Variants in ETV4 observed in about 807,000 individuals in gnomAD.
ETV4 encodes the protein ETS variant transcription factor 4.
A neutral mutation model predicts 65.9 loss-of-function variants in ETV4; 42 were observed. The observed-to-expected ratio is 0.64, with a 90% CI of 0.50 to 0.82. ETV4 has a LOEUF of 0.82. ETV4 is among the 40% of genes least tolerant of loss of function. ETV4 has a pLI of 0.00. For synonymous variants in ETV4, 238 were observed against 260.0 expected, an observed-to-expected ratio of 0.92 and a Z score of 0.81; for missense variants, 583 against 630.3, an observed-to-expected ratio of 0.92 and a Z score of 0.80.
At chr17:43,543,095 C>G (rs1004394578) in intron 4 of ETV4, among the ~76,000 whole-genome samples, 2 of 152,082 alleles carry the variant, frequency 1.3e-5, no homozygotes, top group African/African-American at 4.8e-5. Context: ...CAGCATCCCC[C>G]CCTCAGACCT....
At position 43,533,218 on chromosome 17, in the gene ETV4, G is replaced by A; in HGVS notation, c.514C>T (p.His172Tyr). 6.2e-7 allele frequency: 1 copy of A among 1,614,034 alleles called. No homozygotes were observed. The highest frequency in any genetic ancestry group is 1.3e-5 in the African/African-American group (1 of 75,014). The change falls in exon 7 of 13, where the codon CAC (histidine) becomes TAC (tyrosine). Residue 172 changes from histidine (H) to tyrosine (Y), a missense_variant. Physicochemically the swap from His to Tyr is moderately conservative, Grantham distance 83. Transcript: ENST00000319349. Reference protein sequence around the residue: ...FLRSSGTSQPHPGHGYLGEHS... With the variant: ...FLRSSGTSQPYPGHGYLGEHS... ...TCCCCGAGGTACCCATGGCCAGGGT[G>A]GGGCTGGGAGGTGCCAGAGGATCTC...
At chr17:43,541,175 T>TC (rs1293523095) in intron 4 of ETV4, among the ~76,000 whole-genome samples, 2 of 151,772 alleles carry the variant, frequency 1.3e-5, no homozygotes, top group Non-Finnish European at 2.9e-5. Context: ...GCTCAGCCCC[T>TC]CCCCCAAACA....
chr17:43,536,638 A>G (rs937151903), intron 4 of ETV4, 159 bp from the exon 5 acceptor site: 22 of 621,640 alleles, frequency 3.5e-5, no homozygotes, highest in Non-Finnish European at 5.7e-5. Context: ...GGCCACACAT[A>G]AAATACACAA....
chr17:43,543,607 C>T (rs996317204), intron 4 of ETV4, among the ~76,000 whole-genome samples: 9 of 152,154 alleles, frequency 5.9e-5, no homozygotes, highest in Admixed American at 5.2e-4. Flanking sequence ...GAAACTGACA[C>T]CTCTGCATTC....
At chr17:43,531,686 G>A (rs1163504369) in intron 8 of ETV4, among the ~76,000 whole-genome samples, 6 of 152,114 alleles carry the variant, frequency 3.9e-5, no homozygotes, top group African/African-American at 1.4e-4. Context: ...AACAAACAGA[G>A]CAAGACTCTG....
intron 4 of ETV4, among the ~76,000 whole-genome samples, chr17:43,537,785 G>A (rs897915370): frequency 5.3e-5 from 8 of 152,036 alleles, no homozygotes; most frequent in East Asian, 1.9e-4. Flanking sequence ...ACGAGGTCAG[G>A]AGTTTGAGAC....
At chr17:43,541,026 C>A (rs1971494553) in intron 4 of ETV4, among the ~76,000 whole-genome samples, 1 of 152,154 alleles carries the variant, frequency 6.6e-6, no homozygotes, top group African/African-American at 2.4e-5. Context: ...TCTTGCCTTT[C>A]TTCCTGCCTC....
At position 43,529,134 on chromosome 17, in the gene ETV4, C is replaced by A. The variant is rs1480056926; in HGVS notation, c.1230+1G>T. ...CTTGTCCCTAGACCCACAGCCCCCACCTTCTGCATGATGCCTTTCTCATAA... is the reference window on the plus strand; with the variant it reads ...CTTGTCCCTAGACCCACAGCCCCCAACTTCTGCATGATGCCTTTCTCATAA... On this transcript the variant is annotated splice_donor_variant, in intron 12 of 12. Transcript: ENST00000319349. LOFTEE classifies it high-confidence loss of function. 6.2e-7 allele frequency: 1 copy of A among 1,613,928 alleles called. No homozygotes were observed. The highest frequency in any genetic ancestry group is 1.7e-5 in the Admixed American group (1 of 60,004).
chr17:43,536,332 G>A (rs1182789875), intron 5 of ETV4, 94 bp downstream of exon 5: 2 of 1,135,170 alleles, frequency 1.8e-6, no homozygotes, highest in Non-Finnish European at 2.6e-6. Flanking sequence ...TGTTTTAGGA[G>A]AGAACAAGCT....
At chr17:43,529,057 C>T in intron 12 of ETV4, 78 bp downstream of exon 12, 1 of 1,344,828 alleles carries the variant, frequency 7.4e-7, no homozygotes, top group Non-Finnish European at 1.1e-6. Context: ...CTGAGAACTG[C>T]CCTGCTGACC....
intron 4 of ETV4, 135 bp from the exon 5 acceptor site, chr17:43,536,614 T>A (rs1455599454): frequency 2.9e-6 from 2 of 692,228 alleles, no homozygotes; most frequent in African/African-American, 1.8e-5. Flanking sequence ...GTCCACATTG[T>A]AAGAATTGTC....
rs934932302 is a variant in ETV4 at position 43,528,309 on chromosome 17, T to G, written c.*210A>C. 6 of 497,972 alleles carry G rather than the reference T, an allele frequency of 1.2e-5. No homozygotes were observed. Among genetic ancestry groups the G allele is most frequent in the Non-Finnish European group, 2.1e-5 (6 of 281,302 alleles). The allele number at this position is 497,972 out of a possible 1,614,324, so 30.8% of individuals were successfully genotyped here. A position where few individuals can be genotyped will look rare whatever the true frequency, so the allele number is the denominator to read the frequency against. On this transcript the variant is annotated 3_prime_UTR_variant, in exon 13 of 13. Transcript: ENST00000319349. ...CCCAGGTGAAACCCCCAGGGGAGTTTCTGAGACTCTAGACTTGCCATTTCT... is the reference window on the plus strand; with the variant it reads ...CCCAGGTGAAACCCCCAGGGGAGTTGCTGAGACTCTAGACTTGCCATTTCT...
At chr17:43,542,540 TC>T (rs1971576526) in intron 4 of ETV4, among the ~76,000 whole-genome samples, 3 of 151,984 alleles carry the variant, frequency 2.0e-5, no homozygotes, top group Admixed American at 1.3e-4. Context: ...CCTGATTCTT[TC>T]CCCAACATCT....
At chr17:43,542,986 A>G (rs1482163693) in intron 4 of ETV4, among the ~76,000 whole-genome samples, 1 of 152,132 alleles carries the variant, frequency 6.6e-6, no homozygotes, top group Non-Finnish European at 1.5e-5. Context: ...GGGAAGAGAC[A>G]GGAGAGGAGG....
chr17:43,529,451 C>G, intron 11 of ETV4, 53 bp downstream of exon 11: 1 of 1,567,438 alleles, frequency 6.4e-7, no homozygotes, highest in South Asian at 1.2e-5. Flanking sequence ...GGTTCTCCCA[C>G]CTCCAGGCTG....
At chr17:43,532,329 T>G (rs1031887602) in intron 8 of ETV4, among the ~76,000 whole-genome samples, 7 of 151,998 alleles carry the variant, frequency 4.6e-5, no homozygotes, top group African/African-American at 1.5e-4. Flanking sequence ...CGAAACCCCA[T>G]CTCTACTAAA....
intron 4 of ETV4, among the ~76,000 whole-genome samples, chr17:43,543,095 C>A (rs1004394578): frequency 2.6e-5 from 4 of 151,964 alleles, no homozygotes; most frequent in Non-Finnish European, 5.9e-5. Context: ...CAGCATCCCC[C>A]CCTCAGACCT....
chr17:43,530,328 CA>C, intron 8 of ETV4, 147 bp from the exon 9 acceptor site: 1 of 1,480,114 alleles, frequency 6.8e-7, no homozygotes, highest in Non-Finnish European at 9.0e-7. Flanking sequence ...CTGCCAACCA[CA>C]AAATCCCAGG....
intron 8 of ETV4, 57 bp from the exon 9 acceptor site, chr17:43,530,238 GGGA>G (rs1260472251): frequency 1.3e-6 from 2 of 1,551,036 alleles, no homozygotes; most frequent in Non-Finnish European, 8.7e-7. Flanking sequence ...TCGAGGGCAG[GGGA>G]GGAGGAAGTC....
Sources: allele counts gnomAD v4.1 joint callset (sites outside exome capture counted in the v4.1 genomes callset), GRCh38; gene constraint gnomAD v4.1.1; transcripts MANE v1.5; gene names NCBI Gene and HGNC (gene_info 2026-07-23, HGNC 2026-07-21).